GRIN2B: variants seen among roughly 807,000 people sequenced by gnomAD.
GRIN2B encodes the protein glutamate ionotropic receptor NMDA type subunit 2B.
A neutral mutation model predicts 114.5 loss-of-function variants in GRIN2B; 5 were observed. The ratio of observed to expected loss-of-function variants is 0.04; its 90% CI spans 0.02 to 0.09. The LOEUF (loss-of-function observed/expected upper bound fraction) is 0.09. GRIN2B is among the 10% of genes least tolerant of loss of function. The pLI, the probability that GRIN2B is intolerant of heterozygous loss-of-function variation, is 1.00. For missense variants in GRIN2B, 1,108 were observed against 1,943.5 expected, an observed-to-expected ratio of 0.57 and a Z score of 8.08; for synonymous variants, 787 against 745.1, an observed-to-expected ratio of 1.06 and a Z score of -0.92.
intron 4 of GRIN2B, among the ~76,000 whole-genome samples, chr12:13,729,326 G>A (rs186088171): frequency 1.3e-5 from 2 of 152,276 alleles, no homozygotes; most frequent in Non-Finnish European, 2.9e-5. Context: ...GCACCCAGCT[G>A]TTTGGGTCAT....
At chr12:13,767,204 G>C (rs1179720335) in intron 3 of GRIN2B, among the ~76,000 whole-genome samples, 1 of 149,500 alleles carries the variant, frequency 6.7e-6, no homozygotes, top group Non-Finnish European at 1.5e-5. Flanking sequence ...AGCTTGCAGT[G>C]AGCGGAGATC....
chr12:13,745,465 G>T (rs1233255735), intron 4 of GRIN2B, among the ~76,000 whole-genome samples: 1 of 152,190 alleles, frequency 6.6e-6, no homozygotes, highest in African/African-American at 2.4e-5. Flanking sequence ...CAAAGCCCTG[G>T]CTGCCTGCCA....
chr12:13,899,625 TA>T (rs1486331906), intron 2 of GRIN2B, among the ~76,000 whole-genome samples: 4 of 144,098 alleles, frequency 2.8e-5, no homozygotes, highest in Non-Finnish European at 6.4e-5. Flanking sequence ...AATAATAATT[TA>T]AACCAAATAA....
chr12:13,551,501 A>G lies in GRIN2B; in HGVS notation c.*11282T>C, dbSNP rs1591598142. 2.6e-5 allele frequency: 4 copies of G among 152,146 alleles called. No homozygotes were observed. The East Asian group carries it at 7.7e-4, about 29-fold the overall frequency. The allele number at this position is 152,146 out of a possible 1,614,324, so 9.4% of individuals were successfully genotyped here. ...CATGAAGCCTGAATATTTCTGTCAA[A>G]CCTTGAGGGATCAATGATCCACAAG... On this transcript the variant is annotated 3_prime_UTR_variant, in exon 14 of 14. Transcript: ENST00000609686.
chr12:13,869,907 A>C (rs1247963367), intron 2 of GRIN2B, among the ~76,000 whole-genome samples: 1 of 152,208 alleles, frequency 6.6e-6, no homozygotes, highest in Non-Finnish European at 1.5e-5. Context: ...ACATACCTGA[A>C]AGATTTTTGT....
At chr12:13,792,277 TCCCTAGAGGAGAA>T (rs1233977347) in intron 3 of GRIN2B, among the ~76,000 whole-genome samples, 1 of 152,082 alleles carries the variant, frequency 6.6e-6, no homozygotes, top group Non-Finnish European at 1.5e-5. Context: ...ACAGAGGAGC[TCCCTAGAGGAGAA>T]CTTACTTAAA....
chr12:13,603,793 A>AT (rs1949199370), intron 10 of GRIN2B, among the ~76,000 whole-genome samples: 2 of 152,020 alleles, frequency 1.3e-5, no homozygotes, highest in African/African-American at 4.8e-5. Context: ...GAGATTAGCT[A>AT]CAGGAGAAGC....
intron 13 of GRIN2B, among the ~76,000 whole-genome samples, chr12:13,565,396 T>C (rs1358268884): frequency 1.3e-5 from 2 of 152,222 alleles, no homozygotes; most frequent in African/African-American, 4.8e-5. Flanking sequence ...TCTCTTTAGC[T>C]CCTGTTTTCC....
intron 3 of GRIN2B, among the ~76,000 whole-genome samples, chr12:13,758,173 C>T (rs964143668): frequency 2.0e-5 from 3 of 152,118 alleles, no homozygotes; most frequent in African/African-American, 4.8e-5. Flanking sequence ...TTCAGAATTC[C>T]CCCACAGGAT....
chr12:13,906,805 CAT>C (rs1223981715), intron 2 of GRIN2B, among the ~76,000 whole-genome samples: 1 of 152,090 alleles, frequency 6.6e-6, no homozygotes, highest in Non-Finnish European at 1.5e-5. Flanking sequence ...TAATTTGTAT[CAT>C]ATTAATTTGA....
At chr12:13,774,626 A>T (rs1477431981) in intron 3 of GRIN2B, among the ~76,000 whole-genome samples, 2 of 152,208 alleles carry the variant, frequency 1.3e-5, no homozygotes, top group Non-Finnish European at 2.9e-5. Flanking sequence ...GTGCCATAAC[A>T]TGTGCAGTGC....
intron 10 of GRIN2B, among the ~76,000 whole-genome samples, chr12:13,584,528 C>A (rs1474063217): frequency 1.3e-5 from 2 of 152,212 alleles, no homozygotes; most frequent in East Asian, 3.8e-4. Context: ...CATTATCATG[C>A]AACACACAGT....
chr12:13,844,788 A>T (rs1386877452), intron 3 of GRIN2B, among the ~76,000 whole-genome samples: 1 of 152,222 alleles, frequency 6.6e-6, no homozygotes, highest in East Asian at 1.9e-4. Flanking sequence ...CCCATACTGC[A>T]CAATCGTTAT....
chr12:13,878,166 C>T (rs7311764), intron 2 of GRIN2B, among the ~76,000 whole-genome samples: 116,861 of 152,062 alleles, frequency 0.77, 45,172 homozygotes, highest in East Asian at 1. Flanking sequence ...CCCAGTCGTC[C>T]GGTTTCCAGG....
At position 13,560,326 on chromosome 12, in the gene GRIN2B, C is replaced by T. The variant is rs900038641; in HGVS notation, c.*2457G>A. On this transcript the variant is annotated 3_prime_UTR_variant, in exon 14 of 14. Coordinates refer to ENST00000609686, the MANE Select transcript of GRIN2B (RefSeq NM_000834.5). ...ACTTTTTCCCTCTCATTCCCATCAC[C>T]ACCCCACTCCCTCCAGCCCAACACC... 3.3e-5 allele frequency: 5 copies of T among 151,978 alleles called. No homozygotes were observed. Among genetic ancestry groups the T allele is most frequent in the African/African-American group, 9.7e-5 (4 of 41,408 alleles). 9.4% of individuals were successfully genotyped at this position (151,978 alleles called of 1,614,324 possible).
intron 10 of GRIN2B, among the ~76,000 whole-genome samples, 191 bp from the exon 11 acceptor site, chr12:13,572,155 A>C (rs180950859): frequency 8.1e-4 from 124 of 152,342 alleles, no homozygotes; most frequent in African/African-American, 2.0e-3. Context: ...CTGAAAGCAG[A>C]CTTCAATTCA....
At chr12:13,804,055 A>G (rs1400064330) in intron 3 of GRIN2B, among the ~76,000 whole-genome samples, 1 of 152,040 alleles carries the variant, frequency 6.6e-6, no homozygotes, top group African/African-American at 2.4e-5. Flanking sequence ...GCCAAATTAT[A>G]TCTTTTCACC....
intron 2 of GRIN2B, among the ~76,000 whole-genome samples, chr12:13,947,015 C>T (rs994224475): frequency 2.0e-5 from 3 of 152,060 alleles, no homozygotes; most frequent in African/African-American, 7.2e-5. Context: ...AAAGAGCAAC[C>T]ATGAAAGGAG....
In GRIN2B at chr12:13,618,747, T is replaced by A. The variant is rs557011289; in HGVS notation, c.1126-2090A>T. Among the ~76,000 whole-genome samples the A allele has an allele frequency of 1.3e-4, 20 of 152,348 alleles. No individual in the cohort carries two copies. In the South Asian group the frequency reaches 2.5e-3, roughly 19 times the overall value. ...CAGTTAACTTCACTATTTTACATCA[T>A]GAATCCTTAGTTCAACTTGGAAAAG... On this transcript the variant is annotated intron_variant, in intron 5 of 13. Transcript: ENST00000609686.
Sources: allele counts gnomAD v4.1 joint callset (sites outside exome capture counted in the v4.1 genomes callset), GRCh38; gene constraint gnomAD v4.1.1; transcripts MANE v1.5; gene names NCBI Gene and HGNC (gene_info 2026-07-23, HGNC 2026-07-21).